Variants in CACNA1D observed in about 807,000 individuals in gnomAD.
CACNA1D encodes calcium voltage-gated channel subunit alpha1 D, also known as voltage-dependent L-type calcium channel subunit alpha-1D.
Under a neutral mutation model 257.1 loss-of-function variants are expected in CACNA1D, and 55 were observed. That is an observed-to-expected ratio of 0.21 (90% CI 0.17 to 0.27). CACNA1D has a LOEUF of 0.27. CACNA1D is among the 10% of genes least tolerant of loss of function. CACNA1D has a pLI of 1.00. For synonymous variants in CACNA1D, 980 were observed against 1,014.9 expected (o/e 0.97, Z 0.65); for missense variants, 1,876 against 2,784.0 (o/e 0.67, Z 7.34).
At chr3:53,505,063 C>T (rs1476608357) in intron 3 of CACNA1D, among the ~76,000 whole-genome samples, 1 of 151,992 alleles carries the variant, frequency 6.6e-6, no homozygotes, top group African/African-American at 2.4e-5. Context: ...TCTCTCTATC[C>T]CCTTATCTAG....
chr3:53,558,858 T>A (rs2092690527), intron 3 of CACNA1D, among the ~76,000 whole-genome samples: 2 of 152,322 alleles, frequency 1.3e-5, no homozygotes, highest in East Asian at 3.9e-4. Flanking sequence ...TTTGAGATAA[T>A]CCTGCTGGCA....
At chr3:53,682,384 A>AC (rs1480448541) in intron 8 of CACNA1D, among the ~76,000 whole-genome samples, 3 of 148,184 alleles carry the variant, frequency 2.0e-5, no homozygotes, top group African/African-American at 5.0e-5. Flanking sequence ...AAAAAAAAAA[A>AC]AAAAAAAAAA....
intron 4 of CACNA1D, among the ~76,000 whole-genome samples, chr3:53,653,142 A>G (rs1054859189): frequency 6.6e-6 from 1 of 152,118 alleles, no homozygotes; most frequent in Non-Finnish European, 1.5e-5. Context: ...TCCCGGCTAC[A>G]TGGGAGGCTG....
At chr3:53,787,554 G>T (rs935386264) in intron 40 of CACNA1D, among the ~76,000 whole-genome samples, 1 of 151,958 alleles carries the variant, frequency 6.6e-6, no homozygotes, top group Non-Finnish European at 1.5e-5. Flanking sequence ...GCCAGCCTCT[G>T]GTCCCTCTCC....
intron 29 of CACNA1D, among the ~76,000 whole-genome samples, chr3:53,754,691 T>C (rs2095251457): frequency 6.6e-6 from 1 of 152,192 alleles, no homozygotes; most frequent in African/African-American, 2.4e-5. Flanking sequence ...TATTTGGCCC[T>C]CATTTTCTTT....
Position 53,689,693 on chromosome 3 carries a change from C to T in CACNA1D, c.1221-12948C>T, listed in dbSNP as rs565618622. Among the ~76,000 whole-genome samples, 194 of 152,256 alleles carry T rather than the reference C, an allele frequency of 1.3e-3. 1 individual carries two copies. The highest frequency in any genetic ancestry group is 4.5e-3 in the African/African-American group (185 of 41,540). The stretch of plus-strand genomic sequence containing the variant: ...ATTTTTTATAGAGACAGGTCTTGCT[C>T]TGTCACCCAGGCAGCAGTGCAATGG... On this transcript the variant is annotated intron_variant, in intron 8 of 47. Transcript: ENST00000350061.
At position 53,800,287 on chromosome 3, in the gene CACNA1D, C is replaced by A; in HGVS notation, c.4962C>A (p.Ile1654=). 1.9e-6 allele frequency: 3 copies of A among 1,614,102 alleles called. No individual in the cohort carries two copies. Among genetic ancestry groups the A allele is most frequent in the Non-Finnish European group, 2.5e-6 (3 of 1,179,922 alleles). Residue 1654 remains isoleucine (I), a synonymous_variant, in exon 41 of 48, where the codon ATC becomes ATA. Transcript: ENST00000350061. This position sits in a 1 kb window ranked among gnomAD's most constrained non-coding sequence, Gnocchi z 4.3. ...LRTLHDIGPE[I]RRAISCDLQD... ...CACTGCATGACATTGGGCCAGAAAT[C>A]CGGCGTGCTATATCGTGTGATTTGC... is the stretch of plus-strand genomic sequence containing the variant.
At chr3:53,750,813 C>A (rs1442206336) in intron 27 of CACNA1D, among the ~76,000 whole-genome samples, 1 of 152,190 alleles carries the variant, frequency 6.6e-6, no homozygotes, top group African/African-American at 2.4e-5. Context: ...CACCCAGAGT[C>A]AAAGCAGGAG....
chr3:53,810,129 C>T lies in CACNA1D; in HGVS notation c.6023C>T (p.Ala2008Val). 6.2e-7 allele frequency: 1 copy of T among 1,614,000 alleles called. No individual in the cohort carries two copies. The highest frequency in any genetic ancestry group is 1.1e-5 in the South Asian group (1 of 91,076). Residue 2008 changes from alanine to valine, a missense_variant, in exon 47 of 48, where the codon GCC (alanine) becomes GTC (valine). Physicochemically the swap from Ala to Val is moderately conservative, Grantham distance 64. Around this residue, in one of 10 missense-constraint regions of CACNA1D, gnomAD observed 491 missense variants for 554.3 expected, o/e 0.89. Coordinates refer to ENST00000350061, the MANE Select transcript of CACNA1D (RefSeq NM_001128840.3). ...CTGATCCAAGTGGAGCAGTCAGAGG[C>T]CCTGGACCAGGTGAACGGCAGCCTG... ...TPLIQVEQSEALDQVNGSLPS... is the reference protein window; with the variant it reads ...TPLIQVEQSEVLDQVNGSLPS...
intron 3 of CACNA1D, among the ~76,000 whole-genome samples, chr3:53,603,858 T>C (rs1559904381): frequency 1.3e-5 from 2 of 152,190 alleles, no homozygotes. Flanking sequence ...TTTTGTTTAT[T>C]TTTTACAGAA....
chr3:53,525,997 C>T (rs747008142), intron 3 of CACNA1D, among the ~76,000 whole-genome samples: 13 of 152,204 alleles, frequency 8.5e-5, no homozygotes, highest in Non-Finnish European at 1.8e-4. Flanking sequence ...TTCTCAGACA[C>T]GACCTCCCCT....
chr3:53,788,499 G>A (rs1297669876), intron 40 of CACNA1D, among the ~76,000 whole-genome samples: 2 of 152,228 alleles, frequency 1.3e-5, no homozygotes, highest in African/African-American at 4.8e-5. Flanking sequence ...GCTAGCCTCC[G>A]AAAGACAAAG....
intron 3 of CACNA1D, among the ~76,000 whole-genome samples, chr3:53,598,112 C>G (rs1212157917): frequency 6.6e-6 from 1 of 152,118 alleles, no homozygotes; most frequent in Admixed American, 6.6e-5. Flanking sequence ...GTTGGCTCAT[C>G]AGTCAGATTC....
intron 3 of CACNA1D, among the ~76,000 whole-genome samples, chr3:53,581,160 T>C (rs933533584): frequency 6.6e-6 from 1 of 152,244 alleles, no homozygotes; most frequent in Non-Finnish European, 1.5e-5. Context: ...AAGTTAAGCC[T>C]TGTACATGTG....
At chr3:53,593,292 G>C (rs2093330805) in intron 3 of CACNA1D, among the ~76,000 whole-genome samples, 1 of 152,172 alleles carries the variant, frequency 6.6e-6, no homozygotes, top group African/African-American at 2.4e-5. Flanking sequence ...AATGAGGGAG[G>C]CTGATAAATA....
At chr3:53,719,810 A>C (rs2094862301) in intron 11 of CACNA1D, 29 bp downstream of exon 11, 1 of 1,605,932 alleles carries the variant, frequency 6.2e-7, no homozygotes, top group African/African-American at 1.3e-5. Flanking sequence ...TTTCTTCGTC[A>C]GCCTGTGTGT....
chr3:53,575,024 G>A (rs897463519), intron 3 of CACNA1D, among the ~76,000 whole-genome samples: 1 of 152,198 alleles, frequency 6.6e-6, no homozygotes, highest in Non-Finnish European at 1.5e-5. Context: ...CTAAGTGTTC[G>A]AGGTCTTCTT....
chr3:53,715,724 C>T (rs80277079), intron 9 of CACNA1D, among the ~76,000 whole-genome samples: 5,089 of 152,326 alleles, frequency 0.033, 124 homozygotes, highest in East Asian at 0.095. Flanking sequence ...TGCTCTCAGC[C>T]ACTATCCCAA....
intron 3 of CACNA1D, among the ~76,000 whole-genome samples, chr3:53,599,106 A>G (rs2093409293): frequency 2.6e-5 from 4 of 152,110 alleles, no homozygotes; most frequent in African/African-American, 9.7e-5. Context: ...GGAATCTTTC[A>G]CATGTTAATA....
Sources: allele counts gnomAD v4.1 joint callset (sites outside exome capture counted in the v4.1 genomes callset), GRCh38; gene constraint gnomAD v4.1.1; regional missense constraint gnomAD v4.1.1; non-coding constraint Gnocchi (gnomAD v3.1); transcripts MANE v1.5; gene names NCBI Gene and HGNC (gene_info 2026-07-23, HGNC 2026-07-21).